Variants in CRIPTO observed in about 807,000 individuals in gnomAD.
CRIPTO encodes cripto, EGF-CFC family member, also known as protein Cripto.
At chr3:46,580,983 G>A in the CRIPTO span, 1 of 700,564 alleles carries the variant, frequency 1.4e-6, no homozygotes, top group Non-Finnish European at 2.6e-6. Flanking sequence ...ATTCCTGCAA[G>A]TGAAGGCATC....
the CRIPTO span, chr3:46,579,929 C>A: frequency 1.2e-6 from 2 of 1,614,128 alleles, no homozygotes; most frequent in Non-Finnish European, 1.7e-6. Flanking sequence ...CCAAGGCTAT[C>A]GCCTTACCTG....
the CRIPTO span, among the ~76,000 whole-genome samples, chr3:46,580,547 G>T: frequency 1.4e-5 from 2 of 141,838 alleles, no homozygotes; most frequent in East Asian, 2.7e-4. Context: ...ACCATGACTG[G>T]TCACAGAACC....
chr3:46,581,262 C>T, the CRIPTO span: 16 of 1,589,194 alleles, frequency 1.0e-5, no homozygotes, highest in Non-Finnish European at 1.4e-5. Context: ...CGACATTGAC[C>T]TATTTCCAGA....
chr3:46,577,224 C>A, the CRIPTO span: 1 of 152,466 alleles, frequency 6.6e-6, no homozygotes, highest in Non-Finnish European at 1.5e-5. Flanking sequence ...GGAACCCCTC[C>A]TGACCCTGAA....
At chr3:46,581,324 A>G in the CRIPTO span, 3 of 1,112,888 alleles carry the variant, frequency 2.7e-6, no homozygotes, top group Non-Finnish European at 4.1e-6. Context: ...GGCTGCTGCT[A>G]CAATGTCCTA....
At chr3:46,578,975 C>T in the CRIPTO span, 17 of 1,133,858 alleles carry the variant, frequency 1.5e-5, no homozygotes, top group Admixed American at 3.5e-5. Flanking sequence ...AAAGATGGTG[C>T]TCTACAATTT....
the CRIPTO span, chr3:46,579,028 T>C: frequency 0.04 from 62,964 of 1,556,908 alleles, 2,451 homozygotes; most frequent in East Asian, 0.16. Flanking sequence ...TGAGAGGACC[T>C]GGGTGTTAAC....
chr3:46,579,367 G>T, the CRIPTO span: 3 of 1,614,004 alleles, frequency 1.9e-6, no homozygotes, highest in Non-Finnish European at 2.5e-6. Flanking sequence ...ATACAGCACA[G>T]TAAGAACTGC....
At chr3:46,581,334 A>G in the CRIPTO span, 7 of 1,045,392 alleles carry the variant, frequency 6.7e-6, no homozygotes, top group East Asian at 2.4e-5. Context: ...ACAATGTCCT[A>G]ACTGAAAGAT....
chr3:46,578,892 T>C, the CRIPTO span, among the ~76,000 whole-genome samples: 1 of 152,060 alleles, frequency 6.6e-6, no homozygotes, highest in Non-Finnish European at 1.5e-5. Context: ...ATAATATATA[T>C]TAAAAAGACT....
At chr3:46,579,888 G>A in the CRIPTO span, 1 of 1,614,202 alleles carries the variant, frequency 6.2e-7, no homozygotes, top group South Asian at 1.1e-5. Flanking sequence ...GCCGTGGAGA[G>A]GAGAGAGAAA....
chr3:46,574,895 C>G, the CRIPTO span, among the ~76,000 whole-genome samples: 1 of 152,112 alleles, frequency 6.6e-6, no homozygotes, highest in Non-Finnish European at 1.5e-5. Context: ...ACAATTCTGC[C>G]CCAGTTTTTA....
At chr3:46,580,018 G>C in the CRIPTO span, 1 of 1,614,248 alleles carries the variant, frequency 6.2e-7, no homozygotes, top group Non-Finnish European at 8.5e-7. Flanking sequence ...ATGCTGGCAC[G>C]GTCAGCTCCG....
chr3:46,578,653 C>T, the CRIPTO span, among the ~76,000 whole-genome samples: 7 of 152,020 alleles, frequency 4.6e-5, no homozygotes, highest in Admixed American at 1.3e-4. Flanking sequence ...GGCAGTGAGC[C>T]GAGATCGCAC....
chr3:46,576,477 T>C, the CRIPTO span, among the ~76,000 whole-genome samples: 1 of 57,428 alleles, frequency 1.7e-5, no homozygotes, highest in Non-Finnish European at 2.9e-5. Context: ...GGAGACTCTG[T>C]CGCAAAAAAA....
chr3:46,577,465 T>A, the CRIPTO span: 1 of 167,646 alleles, frequency 6.0e-6, no homozygotes. Flanking sequence ...TTTTCCTAAT[T>A]AAAGCAATTA....
chr3:46,579,322 G>T, the CRIPTO span: 3 of 1,613,972 alleles, frequency 1.9e-6, no homozygotes, highest in Non-Finnish European at 2.5e-6. Context: ...CCTGCAATTC[G>T]GCCTCGGTCT....
chr3:46,577,629 C>T, the CRIPTO span: 1 of 404,710 alleles, frequency 2.5e-6, no homozygotes, highest in African/African-American at 2.0e-5. Flanking sequence ...TTTTACAAGA[C>T]TCCTCTTCCC....
chr3:46,578,955 T>G, the CRIPTO span: 1 of 948,584 alleles, frequency 1.1e-6, no homozygotes, highest in Non-Finnish European at 1.7e-6. Context: ...GAATTAGCCA[T>G]TAAAAAAAGA....
Sources: allele counts gnomAD v4.1 joint callset (sites outside exome capture counted in the v4.1 genomes callset), GRCh38; gene constraint gnomAD v4.1.1; transcripts MANE v1.5; gene names NCBI Gene and HGNC (gene_info 2026-07-23, HGNC 2026-07-21).